Variants in P2RY8 observed in about 807,000 individuals in gnomAD.
P2RY8 encodes P2Y receptor family member 8.
P2RY8 carries 6 observed loss-of-function variants against 10.0 expected under a neutral mutation model. That is an observed-to-expected ratio of 0.60 (90% CI 0.33 to 1.19). The LOEUF (loss-of-function observed/expected upper bound fraction) is 1.19, where lower values mean the gene tolerates loss of function less well. Among genes scored for constraint, P2RY8 ranks in the 50% most tolerant of loss-of-function variants. P2RY8 has a pLI of 0.04. For missense variants in P2RY8, 456 were observed against 542.0 expected (o/e 0.84, Z 1.58); for synonymous variants, 276 against 252.5 (o/e 1.09, Z -0.88).
At chrX:1,480,796 T>C (rs1257963617) in intron 1 of P2RY8, among the ~76,000 whole-genome samples, 1 of 151,948 alleles carries the variant, frequency 6.6e-6, no homozygotes, top group Non-Finnish European at 1.5e-5. Flanking sequence ...GTTCTGCACA[T>C]GTACCCCAGA....
Position 1,466,440 on chromosome X carries a change from C to T in P2RY8, c.119G>A (p.Gly40Asp), listed in dbSNP as rs1437744214. The T allele has an allele frequency of 4.3e-6, 7 of 1,612,836 alleles. No homozygotes were observed. The highest frequency in any genetic ancestry group is 5.1e-6 in the Non-Finnish European group (6 of 1,179,830). ...CAGCACCCACAGAGAGAAGAGGTTG[C>T]CCGGGATGCTGACCGCCGCCACCAG... Reference protein sequence around the residue: ...YSLVAAVSIPGNLFSLWVLCR... With the variant: ...YSLVAAVSIPDNLFSLWVLCR... The change falls in exon 2 of 2, where the codon GGC becomes GAC. Residue 40 changes from glycine to aspartate, a missense_variant. By Grantham distance (94) the Gly-to-Asp change is moderately conservative. Coordinates refer to ENST00000381297, the MANE Select transcript of P2RY8 (RefSeq NM_178129.5).
At chrX:1,498,875 C>G (rs2092146556) in intron 1 of P2RY8, among the ~76,000 whole-genome samples, 2 of 151,930 alleles carry the variant, frequency 1.3e-5, no homozygotes, top group South Asian at 4.2e-4. Flanking sequence ...ACTCTTGTCA[C>G]CCAGGCTGGA....
rs2092419012 is a variant in P2RY8, at chrX:1,524,529, T to TC, written c.-25+12391dup. ...TCCATCCATCCATCCATCCATCCAT[T>TC]CATCCATCCATCCATCCATCCATGC... On this transcript the variant is annotated intron_variant, in intron 1 of 1. Coordinates refer to ENST00000381297, the MANE Select transcript of P2RY8 (RefSeq NM_178129.5). Among the ~76,000 whole-genome samples, 7 of 27,576 alleles carry TC rather than the reference T, an allele frequency of 2.5e-4. 1 individual carries two copies. Among genetic ancestry groups the TC allele is most frequent in the Admixed American group, 6.7e-4 (2 of 2,976 alleles). 18.1% of individuals were successfully genotyped at this position (27,576 alleles called of 152,430 possible). A position where few individuals can be genotyped will look rare whatever the true frequency, so the allele number is the denominator to read the frequency against.
At chrX:1,522,784 T>G (rs1226199906) in intron 1 of P2RY8, among the ~76,000 whole-genome samples, 1 of 150,018 alleles carries the variant, frequency 6.7e-6, no homozygotes, top group Non-Finnish European at 1.5e-5. Flanking sequence ...AAATAAAAAT[T>G]AAGGCCGGGC....
chrX:1,485,417 G>A (rs1284320482), intron 1 of P2RY8, among the ~76,000 whole-genome samples: 1 of 152,058 alleles, frequency 6.6e-6, no homozygotes, highest in Non-Finnish European at 1.5e-5. Flanking sequence ...AGGATTACAG[G>A]CGTGAGCCAC....
chrX:1,520,014 C>G (rs1391444455), intron 1 of P2RY8, among the ~76,000 whole-genome samples: 1 of 151,598 alleles, frequency 6.6e-6, no homozygotes, highest in Non-Finnish European at 1.5e-5. Context: ...CTAATAATCT[C>G]TCTGGTCCTC....
At chrX:1,529,436 G>A (rs776046963) in intron 1 of P2RY8, among the ~76,000 whole-genome samples, 8 of 152,146 alleles carry the variant, frequency 5.3e-5, no homozygotes, top group Non-Finnish European at 1.0e-4. Flanking sequence ...TCAGAATTGC[G>A]GGAGATTCTG....
intron 1 of P2RY8, among the ~76,000 whole-genome samples, chrX:1,509,421 TTATC>T (rs760661469): frequency 5.6e-5 from 8 of 143,794 alleles, no homozygotes; most frequent in Non-Finnish European, 7.6e-5. Context: ...TCTATTTCTA[TTATC>T]TATCTATCAT....
chrX:1,503,680 A>G (rs1366055013), intron 1 of P2RY8, among the ~76,000 whole-genome samples: 1 of 151,684 alleles, frequency 6.6e-6, no homozygotes, highest in African/African-American at 2.4e-5. Flanking sequence ...GGATCATCTG[A>G]GGTCAGGAGT....
chrX:1,519,685 T>G lies in P2RY8; in HGVS notation c.-25+17236A>C, dbSNP rs188992598. On this transcript the variant is annotated intron_variant, in intron 1 of 1. Coordinates refer to ENST00000381297, the MANE Select transcript of P2RY8 (RefSeq NM_178129.5). ...CCCCAATATTCTCTCTGATCCACAA[T>G]CATCCCCTTGGTCCCTAATCATCTC... Among the ~76,000 whole-genome samples, 11 of 152,174 alleles carry G rather than the reference T, an allele frequency of 7.2e-5. No homozygotes were observed. The East Asian group carries it at 2.1e-3, about 29-fold the overall frequency.
At chrX:1,490,730 A>G (rs1196421971) in intron 1 of P2RY8, among the ~76,000 whole-genome samples, 2 of 144,534 alleles carry the variant, frequency 1.4e-5, no homozygotes, top group African/African-American at 5.2e-5. Context: ...GATATTCCCC[A>G]CAAATGTGGG....
intron 1 of P2RY8, among the ~76,000 whole-genome samples, chrX:1,497,309 T>C (rs1196035911): frequency 6.6e-6 from 1 of 150,448 alleles, no homozygotes; most frequent in African/African-American, 2.4e-5. Context: ...AAATAGCATG[T>C]TAATTAGGGT....
chrX:1,523,217 C>T (rs1242298871), intron 1 of P2RY8, among the ~76,000 whole-genome samples: 1 of 151,666 alleles, frequency 6.6e-6, no homozygotes, highest in African/African-American at 2.4e-5. Context: ...GGAGGTAATG[C>T]CCCAGCCAGG....
At chrX:1,469,306 T>C (rs779888298) in intron 1 of P2RY8, among the ~76,000 whole-genome samples, 1 of 150,388 alleles carries the variant, frequency 6.6e-6, no homozygotes. Flanking sequence ...TGGGATTACA[T>C]GCATGCACCA....
Position 1,465,691 on chromosome X carries a change from G to A in P2RY8, c.868C>T (p.Pro290Ser). 1 of 1,613,742 alleles carries A rather than the reference G, an allele frequency of 6.2e-7. No individual in the cohort carries two copies. The highest frequency in any genetic ancestry group is 8.5e-7 in the Non-Finnish European group (1 of 1,179,858). The change falls in exon 2 of 2, where the codon CCG becomes TCG. Residue 290 changes from proline (P) to serine (S), a missense_variant. Physicochemically the swap from Pro to Ser is moderately conservative, Grantham distance 74. Transcript: ENST00000381297. ...CGGGACGCAAAGTAATAAACAAACG[G>A]GTCCAGACAGTTGTTGAGGCAGCTG... ...CLSCLNNCLDPFVYYFASREF... is the reference protein window; with the variant it reads ...CLSCLNNCLDSFVYYFASREF...
intron 1 of P2RY8, among the ~76,000 whole-genome samples, chrX:1,492,713 C>G (rs1429805642): frequency 8.5e-5 from 13 of 152,094 alleles, no homozygotes; most frequent in African/African-American, 3.1e-4. Context: ...GCCTCAAGCA[C>G]TAGGGGTAGG....
intron 1 of P2RY8, among the ~76,000 whole-genome samples, chrX:1,510,898 G>C (rs1186687121): frequency 1.4e-5 from 2 of 142,874 alleles, no homozygotes; most frequent in East Asian, 4.3e-4. Context: ...AAGAAAAGAG[G>C]CCAGGCACAG....
intron 1 of P2RY8, among the ~76,000 whole-genome samples, chrX:1,525,465 G>C (rs1367744632): frequency 6.6e-6 from 1 of 152,114 alleles, no homozygotes; most frequent in Non-Finnish European, 1.5e-5. Flanking sequence ...CCCAAGCCCA[G>C]GGACGTCAAG....
At chrX:1,488,415 G>A (rs142472393) in intron 1 of P2RY8, among the ~76,000 whole-genome samples, 2,392 of 152,250 alleles carry the variant, frequency 0.016, 30 homozygotes, top group Middle Eastern at 0.024. Context: ...AGAAAGCTGT[G>A]TCCCCACAGC....
Sources: gnomAD v4.1 joint callset for allele counts (sites outside exome capture counted in the v4.1 genomes callset) on GRCh38, gnomAD v4.1.1 for gene constraint, MANE v1.5 for transcripts, NCBI Gene and HGNC (gene_info 2026-07-23, HGNC 2026-07-21) for gene names.